Variants in PXDNL observed in about 807,000 individuals in gnomAD.
PXDNL encodes probable oxidoreductase PXDNL.
Under a neutral mutation model 150.8 loss-of-function variants are expected in PXDNL, and 145 were observed. The ratio of observed to expected loss-of-function variants is 0.96; its 90% CI spans 0.84 to 1.10. The LOEUF (loss-of-function observed/expected upper bound fraction) is 1.10. Among genes scored for constraint, PXDNL ranks in the 50% least tolerant of loss-of-function variants. The pLI is 0.00. For missense variants in PXDNL, 2,087 were observed against 1,873.9 expected (o/e 1.11, Z -2.10); for synonymous variants, 757 against 725.7 (o/e 1.04, Z -0.69).
intron 3 of PXDNL, among the ~76,000 whole-genome samples, chr8:51,575,847 A>T (rs904062492): frequency 1.3e-5 from 2 of 152,114 alleles, no homozygotes; most frequent in African/African-American, 4.8e-5. Context: ...GCAAACATCA[A>T]TCAAAAGAAA....
At chr8:51,320,743 A>G in intron 22 of PXDNL, 41 bp downstream of exon 22, 1 of 1,401,980 alleles carries the variant, frequency 7.1e-7, no homozygotes, top group Non-Finnish European at 9.9e-7. Flanking sequence ...GCTGGCTAGA[A>G]GTGAAATGGG....
intron 4 of PXDNL, among the ~76,000 whole-genome samples, chr8:51,508,097 A>G (rs746858639): frequency 6.6e-5 from 10 of 152,316 alleles, no homozygotes; most frequent in Admixed American, 1.3e-4. Context: ...CACAGGACCA[A>G]TGGTACTCGA....
At chr8:51,488,480 T>C (rs10092414) in intron 5 of PXDNL, among the ~76,000 whole-genome samples, 2,104 of 152,310 alleles carry the variant, frequency 0.014, 52 homozygotes, top group African/African-American at 0.047. Flanking sequence ...GAAAATGTTA[T>C]TGACATACTG....
At chr8:51,667,543 AT>A (rs1815410988) in intron 1 of PXDNL, among the ~76,000 whole-genome samples, 1 of 152,114 alleles carries the variant, frequency 6.6e-6, no homozygotes, top group Non-Finnish European at 1.5e-5. Flanking sequence ...CTGCAACAGT[AT>A]TTTTGTGCTG....
chr8:51,724,267 A>G (rs1162371620), intron 1 of PXDNL, among the ~76,000 whole-genome samples: 1 of 152,146 alleles, frequency 6.6e-6, no homozygotes, highest in South Asian at 2.1e-4. Context: ...GCGTATGTAG[A>G]GAAAGGATCC....
intron 1 of PXDNL, among the ~76,000 whole-genome samples, chr8:51,723,115 G>A (rs1816760964): frequency 6.6e-6 from 1 of 151,806 alleles, no homozygotes; most frequent in African/African-American, 2.4e-5. Context: ...AAAGACACAA[G>A]ATAGAGCTAT....
chr8:51,432,965 T>G (rs1049567698), intron 12 of PXDNL, among the ~76,000 whole-genome samples: 1 of 152,016 alleles, frequency 6.6e-6, no homozygotes, highest in African/African-American at 2.4e-5. Flanking sequence ...CCCAGCACTT[T>G]GGGAGGCCAA....
chr8:51,756,690 GA>G (rs1314204163), intron 1 of PXDNL, among the ~76,000 whole-genome samples: 2 of 151,486 alleles, frequency 1.3e-5, no homozygotes, highest in Non-Finnish European at 2.9e-5. Flanking sequence ...TTTCAATTTA[GA>G]AAAAAACTTT....
At chr8:51,522,462 G>A (rs1289998008) in intron 4 of PXDNL, among the ~76,000 whole-genome samples, 1 of 152,182 alleles carries the variant, frequency 6.6e-6, no homozygotes. Context: ...TTATAGTAGA[G>A]TAGAGGAAAC....
At chr8:51,583,905 C>T (rs921801190) in intron 3 of PXDNL, among the ~76,000 whole-genome samples, 4 of 151,978 alleles carry the variant, frequency 2.6e-5, no homozygotes, top group Non-Finnish European at 4.4e-5. Flanking sequence ...AAATAGTTGC[C>T]AGTACAGAGA....
chr8:51,505,961 T>C (rs1811276577), intron 4 of PXDNL, among the ~76,000 whole-genome samples: 1 of 152,238 alleles, frequency 6.6e-6, no homozygotes, highest in South Asian at 2.1e-4. Flanking sequence ...ATTCATACTA[T>C]TCAGGAATTA....
intron 3 of PXDNL, among the ~76,000 whole-genome samples, chr8:51,575,786 G>T (rs1206229748): frequency 6.6e-6 from 1 of 151,972 alleles, no homozygotes; most frequent in African/African-American, 2.4e-5. Flanking sequence ...TAAGAAAAAT[G>T]AGTTCAAGTA....
intron 1 of PXDNL, among the ~76,000 whole-genome samples, chr8:51,739,143 AT>A (rs772880497): frequency 6.6e-6 from 1 of 152,162 alleles, no homozygotes; most frequent in Non-Finnish European, 1.5e-5. Context: ...AAAGAAAAAA[AT>A]ATATAATCTT....
intron 1 of PXDNL, chr8:51,721,636 TAATAA>T (rs1736630478): frequency 5.1e-6 from 2 of 388,930 alleles, no homozygotes; most frequent in Non-Finnish European, 9.8e-6. Flanking sequence ...AGTATAATAA[TAATAA>T]AATTAAAAAA....
chr8:51,569,489 G>T (rs1263918550), intron 3 of PXDNL, among the ~76,000 whole-genome samples: 1 of 151,882 alleles, frequency 6.6e-6, no homozygotes, highest in Non-Finnish European at 1.5e-5. Context: ...ACAATTGTAT[G>T]TCGCTCTAGG....
chr8:51,601,444 G>C (rs1030661265), intron 2 of PXDNL, among the ~76,000 whole-genome samples: 5 of 152,020 alleles, frequency 3.3e-5, no homozygotes, highest in Admixed American at 6.6e-5. Context: ...AAGTCTTCTT[G>C]TTGAAGTGAA....
intron 2 of PXDNL, among the ~76,000 whole-genome samples, chr8:51,641,918 G>C: frequency 6.6e-6 from 1 of 152,050 alleles, no homozygotes; most frequent in East Asian, 1.9e-4. Context: ...TATGTTTATT[G>C]CAGCTCTATT....
At chr8:51,674,927 T>C (rs1815578512) in intron 1 of PXDNL, among the ~76,000 whole-genome samples, 1 of 152,232 alleles carries the variant, frequency 6.6e-6, no homozygotes, top group South Asian at 2.1e-4. Context: ...CAAATTACAT[T>C]ATTTCCCCTG....
At chr8:51,432,231 T>C (rs1809265869) in intron 12 of PXDNL, among the ~76,000 whole-genome samples, 2 of 152,344 alleles carry the variant, frequency 1.3e-5, no homozygotes, top group East Asian at 1.9e-4. Flanking sequence ...TGAGAAGCCA[T>C]AGTTTCTGCA....
Sources: allele counts gnomAD v4.1 joint callset (sites outside exome capture counted in the v4.1 genomes callset), GRCh38; gene constraint gnomAD v4.1.1; transcripts MANE v1.5; gene names NCBI Gene and HGNC (gene_info 2026-07-23, HGNC 2026-07-21).